TRDN: variants seen among roughly 807,000 people sequenced by gnomAD.
TRDN encodes triadin in skeletal muscle.
A neutral mutation model predicts 149.7 loss-of-function variants in TRDN; 161 were observed. The ratio of observed to expected loss-of-function variants is 1.08; its 90% confidence interval spans 0.95 to 1.23. The LOEUF (loss-of-function observed/expected upper bound fraction) is 1.23, where lower values mean the gene tolerates loss of function less well. Ranked by LOEUF, TRDN falls within the 50% of genes most tolerant of loss-of-function variation. TRDN has a pLI of 0.00. For missense variants in TRDN, 896 were observed against 823.5 expected, an observed-to-expected ratio of 1.09 and a Z score of -1.08; for synonymous variants, 294 against 250.5, an observed-to-expected ratio of 1.17 and a Z score of -1.64.
At chr6:123,502,468 A>C in intron 8 of TRDN, 2 of 798,084 alleles carry the variant, frequency 2.5e-6, no homozygotes, top group Non-Finnish European at 3.0e-6. Flanking sequence ...ATCACTAAAA[A>C]AAGAAAAAAT....
intron 20 of TRDN, among the ~76,000 whole-genome samples, chr6:123,352,975 G>C (rs1780523972): frequency 6.6e-6 from 1 of 151,656 alleles, no homozygotes; most frequent in African/African-American, 2.4e-5. Flanking sequence ...GCTTAACATA[G>C]CTTAATCAGC....
At position 123,593,830 on chromosome 6, in the gene TRDN, T is replaced by C. The variant is rs553218433; in HGVS notation, c.23-22698A>G. ...GATACAATTCAACCTATGACAAATG[T>C]TATATGGTCTCCTCACCATACAATA... On this transcript the variant is annotated intron_variant, in intron 1 of 40. Coordinates refer to ENST00000334268, the MANE Select transcript of TRDN (RefSeq NM_006073.4). 1.2e-3 allele frequency among the ~76,000 whole-genome samples: 187 copies of C among 152,296 alleles called. 1 individual carries two copies. Among genetic ancestry groups the C allele is most frequent in the African/African-American group, 4.3e-3 (177 of 41,574 alleles).
intron 12 of TRDN, chr6:123,418,716 C>T (rs1218246941): frequency 6.6e-6 from 1 of 152,188 alleles, no homozygotes; most frequent in Non-Finnish European, 1.5e-5. Context: ...TCCATTCCAT[C>T]TTCTCGGTTT....
At chr6:123,242,357 T>G (rs1284502063) in intron 38 of TRDN, among the ~76,000 whole-genome samples, 1 of 152,098 alleles carries the variant, frequency 6.6e-6, no homozygotes, top group African/African-American at 2.4e-5. Context: ...CTTTTAATTT[T>G]TAAAATAATA....
At chr6:123,617,601 A>C (rs1785163903) in intron 1 of TRDN, among the ~76,000 whole-genome samples, 1 of 152,188 alleles carries the variant, frequency 6.6e-6, no homozygotes, top group South Asian at 2.1e-4. Flanking sequence ...TTGTTCGTCA[A>C]TGTATCATTA....
At chr6:123,591,729 C>T (rs547155082) in intron 1 of TRDN, among the ~76,000 whole-genome samples, 247 of 152,168 alleles carry the variant, frequency 1.6e-3, no homozygotes, top group African/African-American at 5.6e-3. Flanking sequence ...ATCATTTAAT[C>T]TATGAAGAAA....
chr6:123,552,162 T>C (rs767389404), intron 2 of TRDN, among the ~76,000 whole-genome samples: 1 of 152,100 alleles, frequency 6.6e-6, no homozygotes, highest in Non-Finnish European at 1.5e-5. Context: ...GTATCCAAGG[T>C]TTCTTCCAGA....
At chr6:123,525,090 A>T (rs950933596) in intron 5 of TRDN, among the ~76,000 whole-genome samples, 2 of 152,146 alleles carry the variant, frequency 1.3e-5, no homozygotes, top group African/African-American at 4.8e-5. Context: ...GAGAACACTT[A>T]TACACTGTTA....
intron 33 of TRDN, among the ~76,000 whole-genome samples, chr6:123,261,378 G>A (rs1362629500): frequency 6.6e-6 from 1 of 151,858 alleles, no homozygotes; most frequent in African/African-American, 2.4e-5. Flanking sequence ...ATTGACTACA[G>A]TCTGATAAGT....
chr6:123,289,349 A>C (rs1257737780), intron 24 of TRDN, among the ~76,000 whole-genome samples: 6 of 152,008 alleles, frequency 3.9e-5, no homozygotes, highest in African/African-American at 1.4e-4. Context: ...GGGAAAAGCG[A>C]TGATGCTGAT....
chr6:123,307,948 A>T (rs1778674204), intron 24 of TRDN, among the ~76,000 whole-genome samples: 1 of 151,982 alleles, frequency 6.6e-6, no homozygotes, highest in East Asian at 1.9e-4. Context: ...GGTACAAATG[A>T]TCCCATCAGC....
At chr6:123,233,975 C>G (rs1775701516) in intron 38 of TRDN, among the ~76,000 whole-genome samples, 1 of 152,098 alleles carries the variant, frequency 6.6e-6, no homozygotes, top group African/African-American at 2.4e-5. Flanking sequence ...TATTCATGCA[C>G]TCTACTATTT....
At chr6:123,607,954 G>T (rs1784596570) in intron 1 of TRDN, among the ~76,000 whole-genome samples, 1 of 150,748 alleles carries the variant, frequency 6.6e-6, no homozygotes, top group East Asian at 2.0e-4. Flanking sequence ...CTCCCAAAGT[G>T]CCTGGATTAT....
At chr6:123,468,367 T>C (rs1388209309) in intron 9 of TRDN, among the ~76,000 whole-genome samples, 5 of 152,210 alleles carry the variant, frequency 3.3e-5, no homozygotes, top group African/African-American at 7.2e-5. Context: ...GTAAGTTGGC[T>C]TCATTTCTGT....
chr6:123,530,397 T>C, intron 5 of TRDN, 109 bp downstream of exon 5: 1 of 560,292 alleles, frequency 1.8e-6, no homozygotes, highest in Non-Finnish European at 2.6e-6. Context: ...AATTTAGTTA[T>C]TTAATATCAA....
chr6:123,278,504 T>C (rs1408942206), intron 25 of TRDN, among the ~76,000 whole-genome samples, 157 bp from the exon 26 acceptor site: 1 of 152,186 alleles, frequency 6.6e-6, no homozygotes, highest in Non-Finnish European at 1.5e-5. Flanking sequence ...TTAACCATAT[T>C]CTTATGATTG....
At position 123,345,676 on chromosome 6, in the gene TRDN, C is replaced by A. The variant is rs559578841; in HGVS notation, c.1369+6863G>T. On this transcript the variant is annotated intron_variant, in intron 21 of 40. Coordinates refer to ENST00000334268, the MANE Select transcript of TRDN (RefSeq NM_006073.4). ...AATTGGCAGCTTGACAATACTAAGT[C>A]ATTGTATCAATGAATATGGAGTATC... Among the ~76,000 whole-genome samples the A allele has an allele frequency of 8.5e-5, 13 of 152,146 alleles. No individual in the cohort carries two copies. In the South Asian group the frequency reaches 2.7e-3, roughly 32 times the overall value.
chr6:123,531,307 T>C (rs1319139134), intron 4 of TRDN, among the ~76,000 whole-genome samples: 1 of 152,010 alleles, frequency 6.6e-6, no homozygotes, highest in South Asian at 2.1e-4. Context: ...AAATATAGTG[T>C]TTTTTCTTAG....
Position 123,375,594 on chromosome 6 carries a change from G to A in TRDN, c.1273+11C>T. On this transcript the variant is annotated intron_variant, in intron 19 of 40. Transcript: ENST00000334268. ...AAATATGCTCTTCTTTAAAAATTTT[G>A]TTCAACATACTTGCTTTTACTTGTT... is the stretch of plus-strand genomic sequence containing the variant. The A allele has an allele frequency of 9.1e-6, 14 of 1,533,494 alleles. No homozygotes were observed. Among genetic ancestry groups the A allele is most frequent in the Non-Finnish European group, 1.2e-5 (14 of 1,138,232 alleles). The allele number at this position is 1,533,494 out of a possible 1,614,324, so 95.0% of individuals were successfully genotyped here. A position where few individuals can be genotyped will look rare whatever the true frequency, so the allele number is the denominator to read the frequency against.
Sources: allele counts gnomAD v4.1 joint callset (sites outside exome capture counted in the v4.1 genomes callset), GRCh38; gene constraint gnomAD v4.1.1; transcripts MANE v1.5; gene names NCBI Gene and HGNC (gene_info 2026-07-23, HGNC 2026-07-21).